LSP1: variants seen among roughly 807,000 people sequenced by gnomAD.
LSP1 encodes lymphocyte specific protein 1, also known as lymphocyte-specific protein 1.
A neutral mutation model predicts 49.3 loss-of-function variants in LSP1; 32 were observed. The ratio of observed to expected loss-of-function variants is 0.65; its 90% confidence interval spans 0.49 to 0.87. LSP1 has a LOEUF of 0.87. Ranked by LOEUF, LSP1 falls within the 40% of genes least tolerant of loss-of-function variation. LSP1 has a pLI of 0.00. For synonymous variants in LSP1, 179 were observed against 178.8 expected (o/e 1.00, Z -0.01); for missense variants, 428 against 442.6 (o/e 0.97, Z 0.30).
At chr11:1,869,695 G>A (rs1413448573) in intron 1 of LSP1, 2 of 470,814 alleles carry the variant, frequency 4.2e-6, no homozygotes, top group South Asian at 1.5e-5. Flanking sequence ...TCAAAGAAGC[G>A]AGAAATGGAT....
intron 2 of LSP1, chr11:1,880,976 G>T: frequency 6.2e-6 from 1 of 161,098 alleles, no homozygotes; most frequent in South Asian, 1.7e-4. Context: ...GCCCAGCCCT[G>T]CCCTAGCGAG....
chr11:1,871,281 C>T, intron 1 of LSP1: 1 of 986,668 alleles, frequency 1.0e-6, no homozygotes, highest in African/African-American at 1.7e-5. Context: ...GCAGGGCCAC[C>T]CACGAGCAGG....
intron 1 of LSP1, among the ~76,000 whole-genome samples, chr11:1,855,773 T>C (rs1302684325): frequency 1.3e-5 from 2 of 152,204 alleles, no homozygotes; most frequent in African/African-American, 2.4e-5. Flanking sequence ...GACGAGGATT[T>C]CACAGAGCTG....
At chr11:1,874,710 C>A (rs1848234453) in intron 1 of LSP1, among the ~76,000 whole-genome samples, 1 of 152,180 alleles carries the variant, frequency 6.6e-6, no homozygotes, top group Admixed American at 6.5e-5. Flanking sequence ...GGCCACTGAA[C>A]CCTGGGTAGT....
In LSP1 at chr11:1,853,912, A is replaced by G. The variant is rs569424811; in HGVS notation, c.53+715A>G. Among the ~76,000 whole-genome samples, 3 of 152,122 alleles carry G rather than the reference A, an allele frequency of 2.0e-5. No individual in the cohort carries two copies. In the South Asian group the frequency reaches 6.2e-4, roughly 31 times the overall value. On this transcript the variant is annotated intron_variant, in intron 1 of 10. Transcript: ENST00000311604. ...GCGGGCAGCTGTACTCTGTGGTACC[A>G]ATGGGCATCCAGCCCTGTGCTGGGG...
Position 1,884,598 on chromosome 11 carries a change from C to G in LSP1, c.717+17C>G, listed in dbSNP as rs369720751. The G allele has an allele frequency of 6.2e-7, 1 of 1,608,804 alleles. No homozygotes were observed. Among genetic ancestry groups the G allele is most frequent in the South Asian group, 1.1e-5 (1 of 90,960 alleles). On this transcript the variant is annotated intron_variant, in intron 7 of 10. Coordinates refer to ENST00000311604, the MANE Select transcript of LSP1 (RefSeq NM_002339.3). This position sits in a 1 kb window ranked among gnomAD's most constrained non-coding sequence, Gnocchi z 4.1. ...GCCATCGAGGTATGACCTGGCTCCC[C>G]TCTGCTGTCAGGTCCCTCCTGCATC...
At chr11:1,889,267 G>C in intron 10 of LSP1, 1 of 681,554 alleles carries the variant, frequency 1.5e-6, no homozygotes, top group Non-Finnish European at 2.7e-6. Flanking sequence ...GCGTTGAAGC[G>C]AGGCCGGTAC....
intron 2 of LSP1, among the ~76,000 whole-genome samples, chr11:1,880,467 G>A (rs1361031605): frequency 1.3e-5 from 2 of 152,036 alleles, no homozygotes; most frequent in Non-Finnish European, 2.9e-5. Flanking sequence ...CTCTGTGTCC[G>A]TGCCCTGGCC....
Position 1,886,872 on chromosome 11 carries a change from G to A in LSP1, c.852+6G>A. 6.2e-7 allele frequency: 1 copy of A among 1,610,136 alleles called. No homozygotes were observed. The highest frequency in any genetic ancestry group is 8.5e-7 in the Non-Finnish European group (1 of 1,179,052). On this transcript the variant is annotated splice_donor_region_variant and intron_variant, in intron 8 of 10. Coordinates refer to ENST00000311604, the MANE Select transcript of LSP1 (RefSeq NM_002339.3). ...CCAAGACTCCGTCCTGCAAGGTAAGGTCCCCTCCAGGGGCAAGGCTGGGCT... is the reference window on the plus strand; with the variant it reads ...CCAAGACTCCGTCCTGCAAGGTAAGATCCCCTCCAGGGGCAAGGCTGGGCT...
At chr11:1,864,948 A>G (rs71471681) in intron 1 of LSP1, among the ~76,000 whole-genome samples, 1 of 151,932 alleles carries the variant, frequency 6.6e-6, no homozygotes, top group African/African-American at 2.4e-5. Flanking sequence ...CAAGGAGAAC[A>G]CCAGACAGAG....
chr11:1,891,403 G>A (rs1297100417), intron 10 of LSP1: 2 of 152,344 alleles, frequency 1.3e-5, no homozygotes, highest in Non-Finnish European at 2.9e-5. Flanking sequence ...GAGGGGTGGG[G>A]GCGGAAGGAG....
chr11:1,881,541 T>C lies in LSP1; in HGVS notation c.301T>C (p.Leu101=), dbSNP rs147746785. 0.03 allele frequency: 45,678 copies of C among 1,547,182 alleles called. 852 individuals are homozygous for C. Among genetic ancestry groups the C allele is most frequent in the Non-Finnish European group, 0.035 (40,458 of 1,144,932 alleles). The change falls in exon 3 of 11, where the codon TTG becomes CTG. Residue 101 remains leucine (L), a synonymous_variant. Transcript: ENST00000311604. Reference sequence around the variant, plus strand: ...GCAGCACGAGGGGGCGCAGGGCGCCTTGGACAGCGGAGAGCCCCCCCAGTG... The same window carrying C: ...GCAGCACGAGGGGGCGCAGGGCGCCCTGGACAGCGGAGAGCCCCCCCAGTG... ...RQQHEGAQGA[L]DSGEPPQCRS...
intron 1 of LSP1, among the ~76,000 whole-genome samples, chr11:1,859,845 C>T (rs1847581142): frequency 6.6e-6 from 1 of 152,188 alleles, no homozygotes; most frequent in Admixed American, 6.5e-5. Context: ...TTGGAGGCTG[C>T]CTCCTCTTTA....
At chr11:1,890,218 C>T (rs918414704) in intron 10 of LSP1, 5 of 716,180 alleles carry the variant, frequency 7.0e-6, no homozygotes, top group Middle Eastern at 2.3e-4. Context: ...GGTGATGCCA[C>T]GTGGTGGATG....
At chr11:1,889,556 C>T in intron 10 of LSP1, 1 of 612,000 alleles carries the variant, frequency 1.6e-6, no homozygotes, top group East Asian at 2.8e-5. Context: ...GCTTCTTGAG[C>T]CACGTCCAGC....
chr11:1,884,500 T>G lies in LSP1; in HGVS notation c.636T>G (p.Ser212Arg), dbSNP rs1347663065. 6.2e-7 allele frequency: 1 copy of G among 1,613,566 alleles called. No homozygotes were observed. Among genetic ancestry groups the G allele is most frequent in the South Asian group, 1.1e-5 (1 of 91,068 alleles). The change falls in exon 7 of 11, where the codon AGT becomes AGG. Residue 212 changes from serine (S) to arginine (R), a missense_variant and splice_region_variant. Physicochemically the swap from Ser to Arg is moderately radical, Grantham distance 110. Coordinates refer to ENST00000311604, the MANE Select transcript of LSP1 (RefSeq NM_002339.3). The surrounding 1 kb of genome is among the most constrained non-coding windows in gnomAD (Gnocchi z 4.1). ...GCCTGACACATCTTCTACCCTCCAG[T>G]AACAGTGTGAAGAAATCCCAGCCAG... ...TESLNRSIEK[S>R]NSVKKSQPDL...
intron 10 of LSP1, chr11:1,890,376 C>T: frequency 1.4e-6 from 1 of 716,856 alleles, no homozygotes. Context: ...GCTGGCCTCA[C>T]TCACGGGGGA....
intron 1 of LSP1, chr11:1,869,492 G>T: frequency 2.6e-6 from 1 of 390,704 alleles, no homozygotes; most frequent in South Asian, 1.9e-5. Flanking sequence ...GATGGGAAGG[G>T]CAGAGGGAGG....
In LSP1 at chr11:1,883,914, CTG is replaced by C; in HGVS notation, c.499-16_499-15del. Reference sequence around the variant, plus strand: ...ACAAGCAGGGGGTCACTTGGGATGTCTGTTTTTTTTTTTCTAGCACCAGAAAT... The same window carrying C: ...ACAAGCAGGGGGTCACTTGGGATGTCTTTTTTTTTTTCTAGCACCAGAAAT... On this transcript the variant is annotated splice_polypyrimidine_tract_variant and intron_variant, in intron 4 of 10. Coordinates refer to ENST00000311604, the MANE Select transcript of LSP1 (RefSeq NM_002339.3). The C allele has an allele frequency of 6.3e-7, 1 of 1,576,484 alleles. No individual in the cohort carries two copies. Among genetic ancestry groups the C allele is most frequent in the Non-Finnish European group, 8.6e-7 (1 of 1,161,284 alleles).
Sources: gnomAD v4.1 joint callset for allele counts (sites outside exome capture counted in the v4.1 genomes callset) on GRCh38, gnomAD v4.1.1 for gene constraint, Gnocchi (gnomAD v3.1) non-coding constraint, MANE v1.5 for transcripts, NCBI Gene and HGNC (gene_info 2026-07-23, HGNC 2026-07-21) for gene names.